The following SEC24B variants were observed in gnomAD, a reference collection of about 807,000 sequenced individuals.
SEC24B encodes protein transport protein Sec24B.
SEC24B carries 45 observed loss-of-function variants against 142.8 expected under a neutral mutation model. The observed-to-expected ratio is 0.32, with a 90% CI of 0.25 to 0.40. SEC24B has a LOEUF of 0.40. Among genes scored for constraint, SEC24B ranks in the 10% least tolerant of loss-of-function variants. The probability of loss-of-function intolerance (pLI) is 1.00; values close to 1 mark genes in which losing one functional copy is unlikely to be tolerated. For missense variants in SEC24B, 1,409 were observed against 1,526.8 expected (o/e 0.92, Z 1.29); for synonymous variants, 574 against 568.2 (o/e 1.01, Z -0.15).
At chr4:109,535,094 T>G (rs192309992) in intron 22 of SEC24B, among the ~76,000 whole-genome samples, 1 of 152,346 alleles carries the variant, frequency 6.6e-6, no homozygotes, top group East Asian at 1.9e-4. Flanking sequence ...CTATTGTGCA[T>G]AGTGCTACTA....
intron 4 of SEC24B, among the ~76,000 whole-genome samples, chr4:109,486,684 C>T (rs558660256): frequency 1.3e-5 from 2 of 152,294 alleles, no homozygotes; most frequent in Admixed American, 6.5e-5. Flanking sequence ...TGAGGCAAAT[C>T]GATGCTATCC....
At chr4:109,529,264 T>C (rs1561184957) in intron 18 of SEC24B, among the ~76,000 whole-genome samples, 1 of 152,194 alleles carries the variant, frequency 6.6e-6, no homozygotes, top group Non-Finnish European at 1.5e-5. Flanking sequence ...TTTTAACTTT[T>C]GTTTTTGATT....
chr4:109,516,569 T>A lies in SEC24B; in HGVS notation c.2055T>A (p.Asp685Glu), dbSNP rs1417620828. 6.2e-7 allele frequency: 1 copy of A among 1,613,312 alleles called. No individual in the cohort carries two copies. Among genetic ancestry groups the A allele is most frequent in the Non-Finnish European group, 8.5e-7 (1 of 1,179,546 alleles). The change falls in exon 11 of 24, where the codon GAT (aspartate) becomes GAA (glutamate). Residue 685 changes from aspartate to glutamate, a missense_variant. Around this residue, in one of 2 missense-constraint regions of SEC24B, gnomAD observed 700 missense variants for 853.3 expected, o/e 0.82. Coordinates refer to ENST00000265175, the MANE Select transcript of SEC24B (RefSeq NM_006323.5). ...PQPAVYLFVL[D>E]VSHNAVEAGY... ...CTGCAGTTTACTTGTTTGTTTTAGA[T>A]GTGTCTCATAATGCAGTGGAAGCTG...
In SEC24B at chr4:109,433,997, A is replaced by T. The variant is rs909635885; in HGVS notation, c.128A>T (p.Gln43Leu). Residue 43 changes from glutamine to leucine, a missense_variant, in exon 1 of 24, where the codon CAG (glutamine) becomes CTG (leucine). Transcript: ENST00000265175. ...GPGAGPAPHQ[Q>L]NGPAQNQMQV... is the part of the protein sequence containing the mutation. Reference sequence around the variant, plus strand: ...GGTGCGGGCCCGGCGCCGCACCAGCAGAACGGTGAGGCGGGCGGCCCGGGC... The same window carrying T: ...GGTGCGGGCCCGGCGCCGCACCAGCTGAACGGTGAGGCGGGCGGCCCGGGC... The T allele has an allele frequency of 4.3e-6, 5 of 1,173,172 alleles. No homozygotes were observed. Among genetic ancestry groups the T allele is most frequent in the Non-Finnish European group, 5.3e-6 (5 of 951,400 alleles). The allele number at this position is 1,173,172 out of a possible 1,614,324, so 72.7% of individuals were successfully genotyped here.
chr4:109,482,971 TATATATATAC>T (rs1413476992), intron 4 of SEC24B, among the ~76,000 whole-genome samples: 118 of 59,286 alleles, frequency 2.0e-3, no homozygotes, highest in Non-Finnish European at 2.9e-3. Flanking sequence ...TATATATATA[TATATATATAC>T]ACACACACAC....
intron 1 of SEC24B, among the ~76,000 whole-genome samples, chr4:109,455,123 C>A (rs933823140): frequency 6.6e-6 from 1 of 152,194 alleles, no homozygotes; most frequent in Non-Finnish European, 1.5e-5. Flanking sequence ...GTTGATTTTT[C>A]AGCACACCTT....
At chr4:109,505,327 A>C (rs1736565415) in intron 6 of SEC24B, among the ~76,000 whole-genome samples, 1 of 152,122 alleles carries the variant, frequency 6.6e-6, no homozygotes, top group African/African-American at 2.4e-5. Context: ...TCTCAGTGGG[A>C]TATAACGTAA....
intron 6 of SEC24B, among the ~76,000 whole-genome samples, chr4:109,504,369 A>G (rs1736479567): frequency 6.6e-6 from 1 of 152,108 alleles, no homozygotes; most frequent in African/African-American, 2.4e-5. Flanking sequence ...CTATTTGCTT[A>G]TGCCTGTTAA....
intron 4 of SEC24B, among the ~76,000 whole-genome samples, chr4:109,487,783 A>T (rs1446636919): frequency 6.6e-6 from 1 of 152,204 alleles, no homozygotes; most frequent in Non-Finnish European, 1.5e-5. Flanking sequence ...ACAAATAGAG[A>T]TTTGCAGTCA....
intron 6 of SEC24B, among the ~76,000 whole-genome samples, chr4:109,505,832 G>A (rs1469562109): frequency 1.3e-5 from 2 of 152,134 alleles, no homozygotes; most frequent in African/African-American, 4.8e-5. Context: ...GCTAAAGATT[G>A]GGTAGTTTGA....
intron 5 of SEC24B, 79 bp from the exon 6 acceptor site, chr4:109,494,536 G>T: frequency 6.4e-7 from 1 of 1,572,442 alleles, no homozygotes; most frequent in Non-Finnish European, 8.7e-7. Flanking sequence ...AATGTCAGGG[G>T]TTATGGACTG....
In SEC24B at chr4:109,506,406, A is replaced by G. The variant is rs902406235; in HGVS notation, c.1567A>G (p.Arg523Gly). ...LQSSPQPESL[R>G]PVNLTQERNI... ...GAGTTCTCCACAACCAGAAAGCCTG[A>G]GACCTGTAAACCTTACTCAGGAGAG... Residue 523 changes from arginine (R) to glycine (G), a missense_variant, in exon 7 of 24, where the codon AGA becomes GGA. Arg to Gly is a moderately radical substitution (Grantham distance 125). This residue lies in a region of SEC24B where 709 missense variants were observed against 673.5 expected (regional missense o/e 1.05). Transcript: ENST00000265175. 2 of 1,611,076 alleles carry G rather than the reference A, an allele frequency of 1.2e-6. No homozygotes were observed. Among genetic ancestry groups the G allele is most frequent in the Non-Finnish European group, 1.7e-6 (2 of 1,178,330 alleles).
At chr4:109,444,472 ATTTTTTTT>A (rs796951465) in intron 1 of SEC24B, among the ~76,000 whole-genome samples, 4 of 128,270 alleles carry the variant, frequency 3.1e-5, no homozygotes, top group Non-Finnish European at 4.9e-5. Context: ...AGATCCTGTG[ATTTTTTTT>A]TTTTTTTTTT....
chr4:109,441,261 C>T (rs1728902788), intron 1 of SEC24B, among the ~76,000 whole-genome samples: 1 of 152,114 alleles, frequency 6.6e-6, no homozygotes, highest in African/African-American at 2.4e-5. Context: ...CTTCTTTGCT[C>T]CTTACCAACG....
intron 1 of SEC24B, among the ~76,000 whole-genome samples, chr4:109,447,937 C>T (rs966249190): frequency 6.6e-6 from 1 of 152,212 alleles, no homozygotes; most frequent in Admixed American, 6.5e-5. Flanking sequence ...CTTCTGGATG[C>T]TGCCCACATT....
chr4:109,477,614 C>T (rs1409969121), intron 3 of SEC24B, among the ~76,000 whole-genome samples: 1 of 152,098 alleles, frequency 6.6e-6, no homozygotes, highest in Non-Finnish European at 1.5e-5. Context: ...GTGTGAGCCA[C>T]TGTGCCTGGC....
chr4:109,520,812 G>C (rs1395895639), intron 12 of SEC24B, among the ~76,000 whole-genome samples: 1 of 152,092 alleles, frequency 6.6e-6, no homozygotes, highest in African/African-American at 2.4e-5. Context: ...AACTAACATG[G>C]AGAAACCCCG....
chr4:109,482,547 C>G (rs1733836366), intron 4 of SEC24B, among the ~76,000 whole-genome samples: 2 of 152,082 alleles, frequency 1.3e-5, no homozygotes, highest in African/African-American at 2.4e-5. Flanking sequence ...GAGGATGGGA[C>G]TCAAGTCTAA....
chr4:109,491,010 T>C (rs1734964713), intron 4 of SEC24B, among the ~76,000 whole-genome samples: 2 of 152,106 alleles, frequency 1.3e-5, no homozygotes, highest in Non-Finnish European at 2.9e-5. Flanking sequence ...TATATTAACA[T>C]TTCTATCAAC....
Sources: gnomAD v4.1 joint callset for allele counts (sites outside exome capture counted in the v4.1 genomes callset) on GRCh38, gnomAD v4.1.1 for gene constraint, gnomAD v4.1.1 regional missense constraint, MANE v1.5 for transcripts, NCBI Gene and HGNC (gene_info 2026-07-23, HGNC 2026-07-21) for gene names.